Variants in MTMR2 observed in about 807,000 individuals in gnomAD.
The protein encoded by MTMR2 is myotubularin related protein 2, also known as phosphatidylinositol-3,5-bisphosphate 3-phosphatase MTMR2.
In MTMR2, 55 loss-of-function variants were observed where a neutral mutation model predicts 86.9. The ratio of observed to expected loss-of-function variants is 0.63; its 90% CI spans 0.51 to 0.79. The LOEUF (loss-of-function observed/expected upper bound fraction) is 0.79, where lower values mean the gene tolerates loss of function less well. Ranked by LOEUF, MTMR2 falls within the 30% of genes least tolerant of loss-of-function variation. The probability of loss-of-function intolerance (pLI) is 0.00; values close to 1 mark genes in which losing one functional copy is unlikely to be tolerated. For synonymous variants in MTMR2, 241 were observed against 266.8 expected, an observed-to-expected ratio of 0.90 and a Z score of 0.94; for missense variants, 659 against 772.3, an observed-to-expected ratio of 0.85 and a Z score of 1.74.
intron 1 of MTMR2, among the ~76,000 whole-genome samples, chr11:95,898,496 G>C (rs2135573853): frequency 6.6e-6 from 1 of 151,958 alleles, no homozygotes; most frequent in Middle Eastern, 3.4e-3. Flanking sequence ...CACAGCAACA[G>C]TGAGACGCTG....
Position 95,923,970 on chromosome 11 carries a change from G to A in MTMR2, c.-16C>T, listed in dbSNP as rs1312979957. On this transcript the variant is annotated 5_prime_UTR_variant, in exon 1 of 15. Transcript: ENST00000346299. ...TCTTCTCCATCGCGCGGCAGGGGCAGCACAGGGAAAGGCTGAAGCAGTCTT... is the reference window on the plus strand; with the variant it reads ...TCTTCTCCATCGCGCGGCAGGGGCAACACAGGGAAAGGCTGAAGCAGTCTT... 5.1e-6 allele frequency: 8 copies of A among 1,554,880 alleles called. No individual in the cohort carries two copies. The South Asian group carries it at 7.1e-5, about 14-fold the overall frequency.
At chr11:95,851,055 C>CTTTTTTTTT (rs55809121) in intron 7 of MTMR2, among the ~76,000 whole-genome samples, 2 of 93,396 alleles carry the variant, frequency 2.1e-5, no homozygotes, top group Non-Finnish European at 3.9e-5. Flanking sequence ...TCAAATATTC[C>CTTTTTTTTT]TTTTTTTTTT....
intron 1 of MTMR2, among the ~76,000 whole-genome samples, chr11:95,922,776 TCAGA>T (rs1866976577): frequency 2.0e-5 from 3 of 152,228 alleles, no homozygotes; most frequent in African/African-American, 7.2e-5. Flanking sequence ...AATGACGGGA[TCAGA>T]CAGTGGTTCC....
chr11:95,850,873 AGTT>A, intron 7 of MTMR2, 124 bp from the exon 8 acceptor site: 1 of 896,102 alleles, frequency 1.1e-6, no homozygotes, highest in Non-Finnish European at 1.8e-6. Context: ...GTGTTGGGAT[AGTT>A]GTTGTCAGCC....
At position 95,852,757 on chromosome 11, in the gene MTMR2, G is replaced by A. The variant is rs536424625; in HGVS notation, c.655-2008C>T. ...TTTTTAACAAAATATTCACGTGCTG[G>A]CCGGGCACGGTGGCTCACGCCTGTA... On this transcript the variant is annotated intron_variant, in intron 7 of 14. Coordinates refer to ENST00000346299, the MANE Select transcript of MTMR2 (RefSeq NM_016156.6). Among the ~76,000 whole-genome samples the A allele has an allele frequency of 1.4e-4, 21 of 152,236 alleles. No homozygotes were observed. In the Middle Eastern group the frequency reaches 0.01, roughly 74 times the overall value.
intron 13 of MTMR2, 79 bp downstream of exon 13, chr11:95,838,015 A>C (rs536291683): frequency 2.2e-6 from 2 of 914,162 alleles, no homozygotes; most frequent in African/African-American, 1.6e-5. Context: ...CTTCAGTTGA[A>C]ATCTGTCACA....
At chr11:95,854,534 C>G (rs12224255) in intron 7 of MTMR2, among the ~76,000 whole-genome samples, 4,137 of 152,266 alleles carry the variant, frequency 0.027, 125 homozygotes, top group East Asian at 0.12. Context: ...GGTACAATCA[C>G]AGCTCACTGC....
At chr11:95,893,933 A>T (rs999595088) in intron 1 of MTMR2, among the ~76,000 whole-genome samples, 1 of 152,120 alleles carries the variant, frequency 6.6e-6, no homozygotes, top group African/African-American at 2.4e-5. Context: ...CCTAAATCTG[A>T]TCATATCAAT....
intron 2 of MTMR2, among the ~76,000 whole-genome samples, chr11:95,886,185 A>G (rs772775665): frequency 1.3e-5 from 2 of 152,166 alleles, no homozygotes; most frequent in Non-Finnish European, 2.9e-5. Flanking sequence ...TAAAGTGTGG[A>G]CTTTAATAAT....
intron 11 of MTMR2, 36 bp downstream of exon 11, chr11:95,844,917 C>A: frequency 2.0e-6 from 3 of 1,506,698 alleles, no homozygotes; most frequent in Non-Finnish European, 2.8e-6. Flanking sequence ...GGCATGAATG[C>A]ATGTGATATA....
chr11:95,877,453 C>A (rs912899197), intron 2 of MTMR2, among the ~76,000 whole-genome samples: 13 of 143,626 alleles, frequency 9.1e-5, no homozygotes, highest in Non-Finnish European at 1.7e-4. Flanking sequence ...CATGATTCAA[C>A]AATAACAAAA....
At chr11:95,880,815 A>G (rs906506614) in intron 2 of MTMR2, among the ~76,000 whole-genome samples, 5 of 152,030 alleles carry the variant, frequency 3.3e-5, no homozygotes, top group Non-Finnish European at 7.4e-5. Context: ...TGTTCTTTGC[A>G]TATTTGGGTA....
intron 1 of MTMR2, among the ~76,000 whole-genome samples, chr11:95,909,491 C>A (rs959473245): frequency 9.2e-5 from 14 of 152,142 alleles, no homozygotes; most frequent in Admixed American, 2.6e-4. Flanking sequence ...CAGGGGTTCA[C>A]TGATCACATC....
At chr11:95,912,197 T>C (rs1432277576) in intron 1 of MTMR2, among the ~76,000 whole-genome samples, 1 of 151,496 alleles carries the variant, frequency 6.6e-6, no homozygotes, top group Non-Finnish European at 1.5e-5. Flanking sequence ...ATCAAAATAC[T>C]GACAGTACTC....
intron 1 of MTMR2, among the ~76,000 whole-genome samples, chr11:95,921,619 A>G (rs1054476878): frequency 2.2e-4 from 33 of 152,200 alleles, no homozygotes; most frequent in African/African-American, 8.0e-4. Context: ...TTGATTAAGG[A>G]GAGTGCCACA....
At chr11:95,894,503 C>T (rs571216074) in intron 1 of MTMR2, among the ~76,000 whole-genome samples, 53 of 152,192 alleles carry the variant, frequency 3.5e-4, no homozygotes, top group Non-Finnish European at 4.4e-4. Flanking sequence ...AAAATTATAA[C>T]GGCAAAAGTT....
Sources: gnomAD v4.1 joint callset for allele counts (sites outside exome capture counted in the v4.1 genomes callset) on GRCh38, gnomAD v4.1.1 for gene constraint, MANE v1.5 for transcripts, NCBI Gene and HGNC (gene_info 2026-07-23, HGNC 2026-07-21) for gene names.